MTA3: variants seen among roughly 807,000 people sequenced by gnomAD.
MTA3 encodes the protein metastasis associated 1 family member 3.
Under a neutral mutation model 83.5 loss-of-function variants are expected in MTA3, and 34 were observed. The observed-to-expected ratio is 0.41, with a 90% confidence interval of 0.31 to 0.54. The LOEUF (loss-of-function observed/expected upper bound fraction) is 0.54, where lower values mean the gene tolerates loss of function less well. Among genes scored for constraint, MTA3 ranks in the 20% least tolerant of loss-of-function variants. The pLI is 0.33. For missense variants in MTA3, 761 were observed against 726.4 expected (o/e 1.05, Z -0.55); for synonymous variants, 303 against 252.7 (o/e 1.20, Z -1.89).
At chr2:42,657,142 A>C (rs1689242949) in intron 7 of MTA3, among the ~76,000 whole-genome samples, 4 of 152,264 alleles carry the variant, frequency 2.6e-5, no homozygotes, top group Admixed American at 2.6e-4. Context: ...AGAATGAACC[A>C]AACATGGCAA....
chr2:42,706,438 A>G (rs1164946531), intron 12 of MTA3, among the ~76,000 whole-genome samples: 5 of 152,236 alleles, frequency 3.3e-5, no homozygotes, highest in Admixed American at 1.3e-4. Context: ...TAATCCTCCA[A>G]AAATAATACA....
chr2:42,625,828 C>T (rs1686022604), intron 4 of MTA3, among the ~76,000 whole-genome samples: 1 of 150,576 alleles, frequency 6.6e-6, no homozygotes, highest in South Asian at 2.1e-4. Flanking sequence ...TCTGCATGCA[C>T]AGTTCTGTGT....
chr2:42,645,754 T>A (rs982664202), intron 6 of MTA3, among the ~76,000 whole-genome samples: 5 of 152,150 alleles, frequency 3.3e-5, no homozygotes, highest in African/African-American at 1.2e-4. Context: ...GGTTGGGTCA[T>A]GGGGTTTAAG....
chr2:42,736,095 A>C (rs963162704), intron 16 of MTA3, among the ~76,000 whole-genome samples: 4 of 152,150 alleles, frequency 2.6e-5, no homozygotes, highest in Non-Finnish European at 5.9e-5. Flanking sequence ...AGGCTTTCCA[A>C]CTATTAGAAG....
intron 16 of MTA3, among the ~76,000 whole-genome samples, chr2:42,742,627 A>G (rs1282799390): frequency 6.6e-6 from 1 of 152,192 alleles, no homozygotes; most frequent in African/African-American, 2.4e-5. Flanking sequence ...TCACCTAAAG[A>G]TGAAATGTAT....
intron 12 of MTA3, among the ~76,000 whole-genome samples, chr2:42,705,859 CATG>C (rs1249588389): frequency 6.6e-6 from 1 of 152,060 alleles, no homozygotes; most frequent in Non-Finnish European, 1.5e-5. Context: ...TACTAATCTC[CATG>C]ATAAAATGTT....
chr2:42,522,862 G>A (rs1471074031), intron 2 of MTA3, among the ~76,000 whole-genome samples: 5 of 148,322 alleles, frequency 3.4e-5, no homozygotes, highest in African/African-American at 1.2e-4. Context: ...AGGCTAGAGT[G>A]CAGTGGCAGG....
chr2:42,721,916 G>A (rs944963974), intron 15 of MTA3, among the ~76,000 whole-genome samples: 11 of 152,182 alleles, frequency 7.2e-5, no homozygotes, highest in Admixed American at 1.3e-4. Context: ...CACTTTTTTC[G>A]GTGGTAGTAT....
chr2:42,699,880 C>T (rs1693712634), intron 11 of MTA3, among the ~76,000 whole-genome samples: 1 of 151,878 alleles, frequency 6.6e-6, no homozygotes, highest in Non-Finnish European at 1.5e-5. Flanking sequence ...TATTTGAAGC[C>T]ATAGATAAGA....
At chr2:42,673,955 CA>C (rs1691089707) in intron 8 of MTA3, among the ~76,000 whole-genome samples, 1 of 152,216 alleles carries the variant, frequency 6.6e-6, no homozygotes, top group South Asian at 2.1e-4. Flanking sequence ...TTACACTGCC[CA>C]AATTTCAGTG....
At position 42,610,554 on chromosome 2, in the gene MTA3, A is replaced by C. The variant is rs147383156; in HGVS notation, c.317+970A>C. Among the ~76,000 whole-genome samples, 41 of 152,316 alleles carry C rather than the reference A, an allele frequency of 2.7e-4. 1 individual carries two copies. The East Asian group carries it at 7.7e-3, about 29-fold the overall frequency. ...CTAGCCCCTTGTTTGTCGTTTTGGC[A>C]GTTGTTGAGGAAAAACGGTGGTTTT... On this transcript the variant is annotated intron_variant, in intron 4 of 16. Coordinates refer to ENST00000405094, the MANE Select transcript of MTA3 (RefSeq NM_001330442.2).
chr2:42,508,921 G>A (rs575299969), intron 2 of MTA3, among the ~76,000 whole-genome samples: 4 of 148,762 alleles, frequency 2.7e-5, no homozygotes, highest in Non-Finnish European at 5.9e-5. Context: ...ATATATGTTG[G>A]GGGAAAGGGG....
chr2:42,563,933 C>T (rs540295748), upstream of MTA3, among the ~76,000 whole-genome samples: 75 of 152,262 alleles, frequency 4.9e-4, no homozygotes, highest in African/African-American at 1.5e-3. Context: ...AAGCCATTCT[C>T]CCGCCTCAGC....
At chr2:42,558,713 A>ATT (rs894258388) in intron 2 of MTA3, among the ~76,000 whole-genome samples, 1 of 139,964 alleles carries the variant, frequency 7.1e-6, no homozygotes, top group African/African-American at 2.6e-5. Flanking sequence ...ACGCCCCGCT[A>ATT]TTTTTTTTTT....
intron 8 of MTA3, among the ~76,000 whole-genome samples, chr2:42,679,406 G>A (rs1163176392): frequency 6.6e-6 from 1 of 152,124 alleles, no homozygotes; most frequent in Admixed American, 6.6e-5. Flanking sequence ...TAAGCAAATT[G>A]AAAACCGCAC....
intron 2 of MTA3, among the ~76,000 whole-genome samples, chr2:42,501,416 C>T (rs936886742): frequency 6.6e-6 from 1 of 152,130 alleles, no homozygotes. Context: ...TCAAAATAAT[C>T]CTTACCTCAA....
intron 2 of MTA3, among the ~76,000 whole-genome samples, chr2:42,500,146 C>G (rs1159649245): frequency 6.6e-6 from 1 of 152,072 alleles, no homozygotes; most frequent in African/African-American, 2.4e-5. Flanking sequence ...CGCCTATAAT[C>G]TCAGCACTTT....
intron 4 of MTA3, among the ~76,000 whole-genome samples, chr2:42,613,160 A>G (rs1186909732): frequency 6.6e-6 from 1 of 152,236 alleles, no homozygotes; most frequent in Non-Finnish European, 1.5e-5. Flanking sequence ...TACATAGTCT[A>G]CATGATCGTT....
At chr2:42,562,314 CACT>C (rs1332957385) in intron 2 of MTA3, among the ~76,000 whole-genome samples, 2 of 152,086 alleles carry the variant, frequency 1.3e-5, no homozygotes, top group Non-Finnish European at 1.5e-5. Context: ...CCATTCAACC[CACT>C]ACATCATCTT....
Sources: allele counts gnomAD v4.1 joint callset (sites outside exome capture counted in the v4.1 genomes callset), GRCh38; gene constraint gnomAD v4.1.1; transcripts MANE v1.5; gene names NCBI Gene and HGNC (gene_info 2026-07-23, HGNC 2026-07-21).